The following OPN1LW variants were observed in gnomAD, a reference collection of about 807,000 sequenced individuals.
OPN1LW encodes the protein long-wave-sensitive opsin 1.
Under a neutral mutation model 18.1 loss-of-function variants are expected in OPN1LW, and 4 were observed. The observed-to-expected ratio is 0.22, with a 90% CI of 0.11 to 0.51. OPN1LW has a LOEUF of 0.51. Among genes scored for constraint, OPN1LW ranks in the 20% least tolerant of loss-of-function variants. OPN1LW has a pLI of 0.97. For synonymous variants in OPN1LW, 86 were observed against 101.2 expected (o/e 0.85, Z 0.90); for missense variants, 164 against 234.9 (o/e 0.70, Z 1.97).
At chrX:154,149,122 G>A (rs1255333189) in intron 1 of OPN1LW, among the ~76,000 whole-genome samples, 3 of 103,058 alleles carry the variant, frequency 2.9e-5, no homozygotes, top group Admixed American at 9.9e-5. Context: ...GGAGAATGGC[G>A]TGAACCTGGG....
Position 154,154,738 on chromosome X carries a change from C to T in OPN1LW, c.743C>T (p.Ala248Val), listed in dbSNP as rs782506559. ...CTCCAAGTGTGGCTGGCCATCCGAG[C>T]GGTAAGCCCCCCGATTCCTCCTGGC... ...CYLQVWLAIR[A>V]VAKQQKESES... Residue 248 changes from alanine (A) to valine (V), a missense_variant and splice_region_variant, in exon 4 of 6, where the codon GCG becomes GTG. Physicochemically the swap from Ala to Val is moderately conservative, Grantham distance 64. Around this residue, in one of 3 missense-constraint regions of OPN1LW, gnomAD observed 106 missense variants for 167.7 expected, o/e 0.63. Transcript: ENST00000369951. The T allele has an allele frequency of 1.9e-5, 23 of 1,185,955 alleles. No individual in the cohort carries two copies. The highest frequency in any genetic ancestry group is 1.4e-4 in the Admixed American group (6 of 43,479).
At chrX:154,154,443 T>A (rs2067079134) in intron 3 of OPN1LW, 131 bp from the exon 4 acceptor site, 5 of 464,241 alleles carry the variant, frequency 1.1e-5, no homozygotes, top group Non-Finnish European at 1.9e-5. Flanking sequence ...TCAAATTGGG[T>A]AATCTCATGC....
chrX:154,148,573 C>G (rs1304418829), intron 1 of OPN1LW, among the ~76,000 whole-genome samples: 1 of 103,237 alleles, frequency 9.7e-6, no homozygotes, highest in Admixed American at 9.9e-5. Context: ...TCCCAGCCGA[C>G]TGTATCTCTA....
chrX:154,149,777 TA>T (rs372654303), intron 1 of OPN1LW, among the ~76,000 whole-genome samples: 174 of 30,414 alleles, frequency 5.7e-3, no homozygotes, highest in African/African-American at 0.02. Context: ...TTGTTTTAAT[TA>T]AAAAAAAATT....
intron 1 of OPN1LW, among the ~76,000 whole-genome samples, chrX:154,148,102 G>A (rs1255219904): frequency 1.0e-5 from 1 of 97,905 alleles, no homozygotes; most frequent in East Asian, 3.1e-4. Context: ...GGTAATGCAC[G>A]GCTTGTAGTC....
rs190224515 is a variant in OPN1LW, at chrX:154,148,551, G to C, written c.113-2105G>C. On this transcript the variant is annotated intron_variant, in intron 1 of 5. Transcript: ENST00000369951. ...CTCCCAAAGTGCTGGGATTACAGGC[G>C]TGAGCCACCGCTCCCAGCCGACTGT... Among the ~76,000 whole-genome samples, 10 of 103,294 alleles carry C rather than the reference G, an allele frequency of 9.7e-5. No homozygotes were observed. In the East Asian group the frequency reaches 2.3e-3, roughly 24 times the overall value. The allele number at this position is 103,294 out of a possible 115,157, so 89.7% of individuals were successfully genotyped here.
At chrX:154,154,371 T>C (rs1174689404) in intron 3 of OPN1LW, among the ~76,000 whole-genome samples, 1 of 98,164 alleles carries the variant, frequency 1.0e-5, no homozygotes, top group Non-Finnish European at 2.1e-5. Flanking sequence ...CCAACGGTTT[T>C]GTTTTGGGTT....
chrX:154,144,257 C>T lies in OPN1LW; in HGVS notation c.-27C>T. On this transcript the variant is annotated 5_prime_UTR_variant, in exon 1 of 6. Transcript: ENST00000369951. ...TCAGGTGATGCGCCAGGGCCGGCTG[C>T]CGTCGGGGACAGGGCTTTCCATAGC... 8.3e-7 allele frequency: 1 copy of T among 1,209,518 alleles called. No individual in the cohort carries two copies. The highest frequency in any genetic ancestry group is 1.1e-6 in the Non-Finnish European group (1 of 894,990).
Position 154,156,476 on chromosome X carries a change from C to T in OPN1LW, c.927C>T (p.Tyr309=). 8.3e-7 allele frequency: 1 copy of T among 1,204,858 alleles called. No homozygotes were observed. The highest frequency in any genetic ancestry group is 1.7e-5 in the African/African-American group (1 of 57,481). ...FHPLMAALPA[Y]FAKSATIYNP... The stretch of plus-strand genomic sequence containing the variant: ...CTTTGATGGCTGCCCTGCCGGCCTA[C>T]TTTGCCAAAAGTGCCACTATCTACA... Residue 309 remains tyrosine, a synonymous_variant, in exon 5 of 6, where the codon TAC becomes TAT. Transcript: ENST00000369951.
chrX:154,148,966 GAGGCCGAGGC>G (rs782423240), intron 1 of OPN1LW, among the ~76,000 whole-genome samples: 2 of 104,502 alleles, frequency 1.9e-5, no homozygotes, highest in East Asian at 5.7e-4. Flanking sequence ...AGCACTTTGG[GAGGCCGAGGC>G]AGGCGGATCA....
Position 154,144,375 on chromosome X carries a change from C to T in OPN1LW, c.92C>T (p.Thr31Ile). Residue 31 changes from threonine to isoleucine, a missense_variant, in exon 1 of 6, where the codon ACC becomes ATC. Around this residue, in one of 3 missense-constraint regions of OPN1LW, gnomAD observed 106 missense variants for 167.7 expected, o/e 0.63. Coordinates refer to ENST00000369951, the MANE Select transcript of OPN1LW (RefSeq NM_020061.6). ...DSTQSSIFTY[T>I]NSNSTRGPFE... The stretch of plus-strand genomic sequence containing the variant: ...ACCCAGTCCAGCATCTTCACCTACA[C>T]CAACAGCAACTCCACCAGAGGTGAG... The T allele has an allele frequency of 8.5e-7, 1 of 1,170,910 alleles. No individual in the cohort carries two copies. Among genetic ancestry groups the T allele is most frequent in the Non-Finnish European group, 1.1e-6 (1 of 871,163 alleles).
intron 1 of OPN1LW, among the ~76,000 whole-genome samples, chrX:154,149,389 G>T (rs2067067016): frequency 1.0e-5 from 1 of 99,011 alleles, no homozygotes. Flanking sequence ...TTAGCTGGGT[G>T]TGGTGGTGGG....
intron 3 of OPN1LW, among the ~76,000 whole-genome samples, chrX:154,154,147 G>C (rs1250226951): frequency 2.1e-5 from 2 of 95,581 alleles, no homozygotes; most frequent in Non-Finnish European, 4.0e-5. Context: ...TTTATTTTTT[G>C]TAGAGACAAG....
At chrX:154,148,348 C>T (rs1324800496) in intron 1 of OPN1LW, among the ~76,000 whole-genome samples, 3 of 103,605 alleles carry the variant, frequency 2.9e-5, no homozygotes, top group East Asian at 2.8e-4. Context: ...TCACCGCAAC[C>T]TCTGCCTCCT....
intron 1 of OPN1LW, among the ~76,000 whole-genome samples, chrX:154,149,463 C>T (rs1177014630): frequency 6.3e-5 from 6 of 95,801 alleles, no homozygotes; most frequent in African/African-American, 1.4e-4. Context: ...ACCCAGGAGG[C>T]GGAGGTTGCA....
chrX:154,144,342 A>G lies in OPN1LW; in HGVS notation c.59A>G (p.Glu20Gly). ...LAGRHPQDSYEDSTQSSIFTY... is the reference protein window; with the variant it reads ...LAGRHPQDSYGDSTQSSIFTY... ...GGCCGCCATCCGCAGGACAGCTATG[A>G]GGACAGCACCCAGTCCAGCATCTTC... The change falls in exon 1 of 6, where the codon GAG becomes GGG. Residue 20 changes from glutamate (E) to glycine (G), a missense_variant. Transcript: ENST00000369951. 1.7e-6 allele frequency: 2 copies of G among 1,194,367 alleles called. No individual in the cohort carries two copies. Among genetic ancestry groups the G allele is most frequent in the South Asian group, 1.8e-5 (1 of 56,079 alleles).
chrX:154,148,767 A>T (rs1461253514), intron 1 of OPN1LW, among the ~76,000 whole-genome samples: 3 of 105,140 alleles, frequency 2.9e-5, no homozygotes, highest in African/African-American at 1.2e-4. Flanking sequence ...TCAACTCATA[A>T]CACATTCATT....
At chrX:154,149,160 G>A (rs375152166) in intron 1 of OPN1LW, among the ~76,000 whole-genome samples, 7 of 100,203 alleles carry the variant, frequency 7.0e-5, no homozygotes, top group Non-Finnish European at 1.9e-5. Context: ...AGCCGAGATC[G>A]TGCCACTGCA....
intron 4 of OPN1LW, 80 bp downstream of exon 4, chrX:154,154,819 C>T (rs2067081080): frequency 1.2e-6 from 1 of 806,120 alleles, no homozygotes; most frequent in African/African-American, 2.9e-5. Flanking sequence ...CACTGAGACT[C>T]CTAAACTATT....
Sources: allele counts gnomAD v4.1 joint callset (sites outside exome capture counted in the v4.1 genomes callset), GRCh38; gene constraint gnomAD v4.1.1; regional missense constraint gnomAD v4.1.1; transcripts MANE v1.5; gene names NCBI Gene and HGNC (gene_info 2026-07-23, HGNC 2026-07-21).